The following GPC6 variants were observed in gnomAD, a reference collection of about 807,000 sequenced individuals.
The protein encoded by GPC6 is glypican 6.
A neutral mutation model predicts 55.2 loss-of-function variants in GPC6; 14 were observed. The observed-to-expected ratio is 0.25, with a 90% CI of 0.17 to 0.40. The LOEUF (loss-of-function observed/expected upper bound fraction) is 0.40. Ranked by LOEUF, GPC6 falls within the 10% of genes least tolerant of loss-of-function variation. The probability of loss-of-function intolerance (pLI) is 1.00; values close to 1 mark genes in which losing one functional copy is unlikely to be tolerated. For synonymous variants in GPC6, 278 were observed against 259.6 expected (o/e 1.07, Z -0.68); for missense variants, 641 against 708.5 (o/e 0.90, Z 1.08).
At chr13:93,878,893 A>G (rs1594549395) in intron 3 of GPC6, among the ~76,000 whole-genome samples, 1 of 152,248 alleles carries the variant, frequency 6.6e-6, no homozygotes, top group Non-Finnish European at 1.5e-5. Flanking sequence ...AGAGGCAGGG[A>G]TACAGTTTTG....
chr13:94,129,659 T>C (rs1198410605), intron 4 of GPC6, among the ~76,000 whole-genome samples: 1 of 152,136 alleles, frequency 6.6e-6, no homozygotes, highest in Non-Finnish European at 1.5e-5. Flanking sequence ...GTCATCGTTC[T>C]AACTTCTGTT....
intron 1 of GPC6, among the ~76,000 whole-genome samples, chr13:93,474,771 G>A (rs1476231017): frequency 6.6e-6 from 1 of 152,170 alleles, no homozygotes; most frequent in Non-Finnish European, 1.5e-5. Context: ...TGAGAGTCAT[G>A]TTGGAAGGTG....
intron 3 of GPC6, among the ~76,000 whole-genome samples, chr13:93,902,379 G>C (rs1278001233): frequency 6.6e-6 from 1 of 152,118 alleles, no homozygotes; most frequent in Non-Finnish European, 1.5e-5. Context: ...GTAGATAACA[G>C]GATTTCATTC....
At chr13:94,369,333 C>T (rs1306383378) in intron 6 of GPC6, among the ~76,000 whole-genome samples, 2 of 152,176 alleles carry the variant, frequency 1.3e-5, no homozygotes, top group African/African-American at 4.8e-5. Flanking sequence ...AGTGACTACT[C>T]AGGAAAGATC....
At chr13:93,945,298 A>T (rs898506794) in intron 3 of GPC6, among the ~76,000 whole-genome samples, 2 of 152,344 alleles carry the variant, frequency 1.3e-5, no homozygotes, top group Admixed American at 6.5e-5. Flanking sequence ...GTATTCGTGG[A>T]TGTAAAAGGA....
intron 4 of GPC6, among the ~76,000 whole-genome samples, chr13:94,257,851 A>AACAAGAGTGGGTAG (rs1395678386): frequency 6.6e-6 from 1 of 152,226 alleles, no homozygotes; most frequent in African/African-American, 2.4e-5. Flanking sequence ...AAGATAGACT[A>AACAAGAGTGGGTAG]ACAAGAGACA....
chr13:93,734,784 T>C (rs1883940173), intron 2 of GPC6, among the ~76,000 whole-genome samples: 3 of 152,180 alleles, frequency 2.0e-5, no homozygotes, highest in Admixed American at 2.0e-4. Context: ...TTCCCTTTCT[T>C]ATTCTGCCTC....
chr13:93,248,587 A>T (rs1258649134), intron 1 of GPC6, among the ~76,000 whole-genome samples: 2 of 152,162 alleles, frequency 1.3e-5, no homozygotes, highest in Non-Finnish European at 2.9e-5. Flanking sequence ...ATTTTAACCT[A>T]ATTAAGTATA....
At chr13:93,708,045 C>T (rs1419280257) in intron 2 of GPC6, among the ~76,000 whole-genome samples, 1 of 151,738 alleles carries the variant, frequency 6.6e-6, no homozygotes, top group Non-Finnish European at 1.5e-5. Context: ...AGAAATATTA[C>T]TAATACATCA....
chr13:93,760,295 C>T (rs544389266), intron 2 of GPC6, among the ~76,000 whole-genome samples: 59 of 152,310 alleles, frequency 3.9e-4, no homozygotes, highest in African/African-American at 1.4e-3. Context: ...AGCCGCTTCT[C>T]AGGATTGGAG....
At chr13:94,105,562 A>T (rs1260202053) in intron 4 of GPC6, among the ~76,000 whole-genome samples, 1 of 152,176 alleles carries the variant, frequency 6.6e-6, no homozygotes, top group African/African-American at 2.4e-5. Flanking sequence ...TAGAGGTATA[A>T]CCTCAGGACC....
intron 2 of GPC6, among the ~76,000 whole-genome samples, chr13:93,775,312 A>G (rs1885432679): frequency 6.6e-6 from 1 of 152,038 alleles, no homozygotes; most frequent in South Asian, 2.1e-4. Context: ...ATTCTCATTC[A>G]TTTTCCAAAC....
At position 93,893,155 on chromosome 13, in the gene GPC6, G is replaced by A. The variant is rs140474333; in HGVS notation, c.711+62610G>A. Among the ~76,000 whole-genome samples, 12 of 151,540 alleles carry A rather than the reference G, an allele frequency of 7.9e-5. No individual in the cohort carries two copies. In the East Asian group the frequency reaches 2.2e-3, roughly 27 times the overall value. ...GCTCACTGCAACCTCCACCTCCCAG[G>A]CTCAAGCAATTCTCCTGCCTCAGCC... On this transcript the variant is annotated intron_variant, in intron 3 of 8. Coordinates refer to ENST00000377047, the MANE Select transcript of GPC6 (RefSeq NM_005708.5).
intron 1 of GPC6, among the ~76,000 whole-genome samples, chr13:93,542,043 C>G (rs1305822868): frequency 6.6e-6 from 1 of 152,094 alleles, no homozygotes; most frequent in Non-Finnish European, 1.5e-5. Flanking sequence ...TCCCATTTGT[C>G]AATTTTGGCT....
intron 2 of GPC6, among the ~76,000 whole-genome samples, chr13:93,571,031 A>G (rs2139474365): frequency 6.6e-6 from 1 of 152,202 alleles, no homozygotes; most frequent in East Asian, 1.9e-4. Context: ...TTGTCTTATT[A>G]CATATATATA....
chr13:93,438,553 A>G (rs1419082565), intron 1 of GPC6, among the ~76,000 whole-genome samples: 1 of 152,176 alleles, frequency 6.6e-6, no homozygotes, highest in Non-Finnish European at 1.5e-5. Flanking sequence ...TAGCAAGAGA[A>G]TGAGAAATAG....
At chr13:93,922,799 C>T (rs182692514) in intron 3 of GPC6, among the ~76,000 whole-genome samples, 9 of 152,176 alleles carry the variant, frequency 5.9e-5, no homozygotes, top group Non-Finnish European at 1.2e-4. Flanking sequence ...CTCCTGTTTA[C>T]GTTCCTTTAG....
At chr13:93,349,051 G>A (rs1021516726) in intron 1 of GPC6, among the ~76,000 whole-genome samples, 7 of 152,240 alleles carry the variant, frequency 4.6e-5, no homozygotes, top group East Asian at 1.9e-4. Context: ...ATAATGTGCC[G>A]AGATGTAACA....
At chr13:94,135,265 A>T in intron 4 of GPC6, among the ~76,000 whole-genome samples, 1 of 152,158 alleles carries the variant, frequency 6.6e-6, no homozygotes, top group East Asian at 1.9e-4. Context: ...AAAAAAAAAA[A>T]AAAAGTTAAG....
Sources: allele counts gnomAD v4.1 joint callset (sites outside exome capture counted in the v4.1 genomes callset), GRCh38; gene constraint gnomAD v4.1.1; transcripts MANE v1.5; gene names NCBI Gene and HGNC (gene_info 2026-07-23, HGNC 2026-07-21).